Variants in NEK10 observed in about 807,000 individuals in gnomAD.
NEK10 encodes the protein NIMA related kinase 10.
In NEK10, 122 loss-of-function variants were observed where a neutral mutation model predicts 159.8. That is an observed-to-expected ratio of 0.76 (90% CI 0.66 to 0.89). The LOEUF is 0.89. Among genes scored for constraint, NEK10 ranks in the 40% least tolerant of loss-of-function variants. The pLI, the probability that NEK10 is intolerant of heterozygous loss-of-function variation, is 0.00. For missense variants in NEK10, 1,342 were observed against 1,323.1 expected (o/e 1.01, Z -0.22); for synonymous variants, 466 against 457.1 (o/e 1.02, Z -0.25).
chr3:27,324,049 C>T (rs769307129), intron 5 of NEK10, among the ~76,000 whole-genome samples: 11 of 152,146 alleles, frequency 7.2e-5, no homozygotes, highest in Non-Finnish European at 1.3e-4. Context: ...CACTGTCATG[C>T]CTCTATGAGC....
At chr3:27,199,024 G>A (rs1232089480) in intron 25 of NEK10, among the ~76,000 whole-genome samples, 1 of 140,350 alleles carries the variant, frequency 7.1e-6, no homozygotes, top group African/African-American at 2.7e-5. Context: ...AGTGAGCCGA[G>A]ATCACACCAC....
chr3:27,338,324 C>T (rs11708556), intron 5 of NEK10, among the ~76,000 whole-genome samples: 49,307 of 152,150 alleles, frequency 0.32, 10,002 homozygotes, highest in East Asian at 0.74. Context: ...ATTTTCTTTA[C>T]CCAGTCTATT....
In NEK10 at chr3:27,187,810, T is replaced by A. The variant is rs139581992; in HGVS notation, c.2505+4219A>T. 1.5e-3 allele frequency among the ~76,000 whole-genome samples: 232 copies of A among 151,976 alleles called. 1 individual carries two copies. The highest frequency in any genetic ancestry group is 5.4e-3 in the African/African-American group (222 of 41,438). On this transcript the variant is annotated intron_variant, in intron 26 of 35. Coordinates refer to ENST00000691995, the MANE Select transcript of NEK10 (RefSeq NM_001394966.1). The stretch of plus-strand genomic sequence containing the variant: ...AGTTCATAGTCTGTCAATTTGCTTG[T>A]TAGGTATTTTGGAGAAATTCAACGT...
At chr3:27,284,798 C>A in intron 21 of NEK10, 42 bp downstream of exon 21, 1 of 1,554,882 alleles carries the variant, frequency 6.4e-7, no homozygotes, top group Non-Finnish European at 8.9e-7. Context: ...CAGCTCAGAA[C>A]ATTACTGTTT....
chr3:27,244,816 T>C (rs1017823607), intron 23 of NEK10, among the ~76,000 whole-genome samples: 4 of 152,166 alleles, frequency 2.6e-5, no homozygotes, highest in Non-Finnish European at 5.9e-5. Flanking sequence ...ACTCCCACTA[T>C]GTGCCCACAC....
intron 22 of NEK10, among the ~76,000 whole-genome samples, chr3:27,264,095 G>A (rs991956123): frequency 6.6e-6 from 1 of 152,136 alleles, no homozygotes; most frequent in African/African-American, 2.4e-5. Context: ...CTCACAGGGA[G>A]AAATTAACAA....
intron 26 of NEK10, among the ~76,000 whole-genome samples, chr3:27,185,756 C>T (rs1948557037): frequency 6.6e-6 from 1 of 152,184 alleles, no homozygotes; most frequent in Non-Finnish European, 1.5e-5. Context: ...AATTATACCA[C>T]CCCACCCCCA....
chr3:27,219,153 T>A (rs1241389907), intron 23 of NEK10, among the ~76,000 whole-genome samples: 1 of 152,186 alleles, frequency 6.6e-6, no homozygotes, highest in Non-Finnish European at 1.5e-5. Context: ...CCCAGGAACC[T>A]TTTCCTTAAA....
At chr3:27,259,571 G>T (rs150108169) in intron 22 of NEK10, among the ~76,000 whole-genome samples, 39 of 152,138 alleles carry the variant, frequency 2.6e-4, no homozygotes, top group African/African-American at 9.2e-4. Context: ...CTGTTCCATT[G>T]GTCTGTATCT....
chr3:27,116,875 T>A lies in NEK10; in HGVS notation c.3191-748A>T, dbSNP rs148448414. Among the ~76,000 whole-genome samples the A allele has an allele frequency of 3.0e-4, 45 of 152,100 alleles. No homozygotes were observed. The East Asian group carries it at 8.1e-3, about 27-fold the overall frequency. On this transcript the variant is annotated intron_variant, in intron 33 of 35. Coordinates refer to ENST00000691995, the MANE Select transcript of NEK10 (RefSeq NM_001394966.1). Reference sequence around the variant, plus strand: ...AGGATGTGCAGGTTTGTAATATAGGTAAATGTGTGCCATGATGGTTTGCTG... The same window carrying A: ...AGGATGTGCAGGTTTGTAATATAGGAAAATGTGTGCCATGATGGTTTGCTG...
chr3:27,185,987 CAG>C (rs1948579766), intron 26 of NEK10, among the ~76,000 whole-genome samples: 1 of 152,170 alleles, frequency 6.6e-6, no homozygotes, highest in African/African-American at 2.4e-5. Context: ...TACAGGATTT[CAG>C]AGAGAGTGAA....
chr3:27,353,229 A>C (rs2048097963), intron 1 of NEK10, among the ~76,000 whole-genome samples: 1 of 152,184 alleles, frequency 6.6e-6, no homozygotes, highest in Admixed American at 6.6e-5. Context: ...AATTTTCAGA[A>C]TAGAAATAGA....
At chr3:27,259,491 CTTGT>C (rs2040204745) in intron 22 of NEK10, among the ~76,000 whole-genome samples, 1 of 152,148 alleles carries the variant, frequency 6.6e-6, no homozygotes, top group African/African-American at 2.4e-5. Context: ...TTCCCCATTG[CTTGT>C]TTTTGTCAGG....
At chr3:27,167,011 T>C (rs188342605) in intron 29 of NEK10, among the ~76,000 whole-genome samples, 11 of 152,096 alleles carry the variant, frequency 7.2e-5, no homozygotes, top group Admixed American at 6.5e-4. Context: ...CAATTATGCA[T>C]ACACTGATGA....
chr3:27,315,240 A>C (rs1488935391), intron 6 of NEK10, among the ~76,000 whole-genome samples: 3 of 152,046 alleles, frequency 2.0e-5, no homozygotes, highest in Non-Finnish European at 4.4e-5. Context: ...AATTCTGGGA[A>C]GTGCACAGGG....
rs1187881968 is a variant in NEK10, at chr3:27,232,084, T to C, written c.2090+24212A>G. Among the ~76,000 whole-genome samples, 3 of 152,000 alleles carry C rather than the reference T, an allele frequency of 2.0e-5. No homozygotes were observed. In the East Asian group the frequency reaches 5.8e-4, roughly 29 times the overall value. On this transcript the variant is annotated intron_variant, in intron 23 of 35. Coordinates refer to ENST00000691995, the MANE Select transcript of NEK10 (RefSeq NM_001394966.1). ...CTGATGAATATAGATGGAAAACTTC[T>C]CAATAAAATACTAGCTAACCAAATC...
At position 27,121,187 on chromosome 3, in the gene NEK10, G is replaced by A. The variant is rs74397860; in HGVS notation, c.3082-1319C>T. On this transcript the variant is annotated intron_variant, in intron 32 of 35. Transcript: ENST00000691995. ...ACTAAAATCTAGAAAAACCCCAATTGTCCGTGGAGAAAAGAATGGATAGAT... is the reference window on the plus strand; with the variant it reads ...ACTAAAATCTAGAAAAACCCCAATTATCCGTGGAGAAAAGAATGGATAGAT... Among the ~76,000 whole-genome samples, 28 of 152,090 alleles carry A rather than the reference G, an allele frequency of 1.8e-4. No individual in the cohort carries two copies. The East Asian group carries it at 3.1e-3, about 17-fold the overall frequency.
chr3:27,297,124 G>T, intron 14 of NEK10, 55 bp downstream of exon 14: 1 of 1,115,404 alleles, frequency 9.0e-7, no homozygotes, highest in Non-Finnish European at 1.4e-6. Flanking sequence ...GCACCACAAG[G>T]TGAGTTGATT....
At chr3:27,120,020 ATCT>A (rs1941063141) in intron 32 of NEK10, 152 bp from the exon 33 acceptor site, 1 of 547,732 alleles carries the variant, frequency 1.8e-6, no homozygotes, top group East Asian at 2.9e-5. Context: ...TAAAGAAATA[ATCT>A]TCTTTCCAAA....
Sources: allele counts gnomAD v4.1 joint callset (sites outside exome capture counted in the v4.1 genomes callset), GRCh38; gene constraint gnomAD v4.1.1; transcripts MANE v1.5; gene names NCBI Gene and HGNC (gene_info 2026-07-23, HGNC 2026-07-21).